EFCAB5: variants seen among roughly 807,000 people sequenced by gnomAD.
EFCAB5 encodes the protein EF-hand calcium binding domain 5, also known as EF-hand calcium-binding domain-containing protein 5.
Under a neutral mutation model 167.9 loss-of-function variants are expected in EFCAB5, and 131 were observed. The observed-to-expected ratio is 0.78, with a 90% CI of 0.68 to 0.90. EFCAB5 has a LOEUF of 0.90. Ranked by LOEUF, EFCAB5 falls within the 40% of genes least tolerant of loss-of-function variation. The pLI is 0.00. For synonymous variants in EFCAB5, 574 were observed against 602.8 expected (o/e 0.95, Z 0.70); for missense variants, 1,663 against 1,745.2 (o/e 0.95, Z 0.84).
In EFCAB5 at chr17:30,087,180, C is replaced by A. The variant is rs755182542; in HGVS notation, c.3683+14C>A. ...ATGCATCTTCAGGTTAGAGACATGT[C>A]TGTTTTGTTTGACTGCTAGAACACA... On this transcript the variant is annotated intron_variant, in intron 19 of 22. Coordinates refer to ENST00000394835, the MANE Select transcript of EFCAB5 (RefSeq NM_198529.4). The A allele has an allele frequency of 1.2e-6, 2 of 1,610,342 alleles. No homozygotes were observed. The highest frequency in any genetic ancestry group is 1.7e-6 in the Non-Finnish European group (2 of 1,176,802).
intron 3 of EFCAB5, among the ~76,000 whole-genome samples, chr17:29,960,805 T>A (rs1163944058): frequency 6.6e-6 from 1 of 152,154 alleles, no homozygotes. Context: ...GATTTCTGGG[T>A]CATATGTAGT....
rs762040797 is a variant in EFCAB5, at chr17:30,053,394, C to G, written c.1440C>G (p.Thr480=). The change falls in exon 10 of 23, where the codon ACC becomes ACG. Residue 480 remains threonine (T), a synonymous_variant. Transcript: ENST00000394835. ...TTTCTGCAAATCATGCTAGCAAAACCCAAAGTAAATTATTAGAAAGTCCAG... is the reference window on the plus strand; with the variant it reads ...TTTCTGCAAATCATGCTAGCAAAACGCAAAGTAAATTATTAGAAAGTCCAG... ...TLLSANHASK[T]QSKLLESPDQ... is the part of the protein sequence containing the mutation. The G allele has an allele frequency of 6.8e-6, 11 of 1,613,614 alleles. No individual in the cohort carries two copies. Among genetic ancestry groups the G allele is most frequent in the South Asian group, 6.6e-5 (6 of 91,066 alleles).
rs1327379745 is a variant in EFCAB5 at position 29,996,296 on chromosome 17, C to T, written c.925-16C>T. 3 of 1,541,930 alleles carry T rather than the reference C, an allele frequency of 1.9e-6. No homozygotes were observed. Among genetic ancestry groups the T allele is most frequent in the South Asian group, 2.4e-5 (2 of 82,164 alleles). On this transcript the variant is annotated splice_polypyrimidine_tract_variant and intron_variant, in intron 5 of 22. Transcript: ENST00000394835. ...GGCATATGGTTTCTTTCTTTTTTTCCTCTTTTGAGTTGCAGATTCAGAATG... is the reference window on the plus strand; with the variant it reads ...GGCATATGGTTTCTTTCTTTTTTTCTTCTTTTGAGTTGCAGATTCAGAATG...
chr17:29,934,517 T>C (rs1427106824), intron 1 of EFCAB5, among the ~76,000 whole-genome samples: 2 of 152,160 alleles, frequency 1.3e-5, no homozygotes, highest in Non-Finnish European at 2.9e-5. Context: ...GGAAGAATGC[T>C]ATATATATAA....
chr17:29,999,856 T>C (rs1244120744), intron 6 of EFCAB5, 50 bp from the exon 7 acceptor site: 1 of 1,325,598 alleles, frequency 7.5e-7, no homozygotes, highest in Non-Finnish European at 1.0e-6. Context: ...AAATATCAAA[T>C]ATATATTACA....
At chr17:29,957,288 C>T (rs760479715) in intron 3 of EFCAB5, among the ~76,000 whole-genome samples, 1 of 152,092 alleles carries the variant, frequency 6.6e-6, no homozygotes, top group Non-Finnish European at 1.5e-5. Context: ...CTTTGCATCC[C>T]TTGCATCCCT....
At chr17:29,996,970 G>A (rs1485163788) in intron 6 of EFCAB5, among the ~76,000 whole-genome samples, 1 of 152,168 alleles carries the variant, frequency 6.6e-6, no homozygotes, top group African/African-American at 2.4e-5. Flanking sequence ...CAGAGGCCGG[G>A]CACAGTGGCT....
At chr17:29,945,829 A>C (rs1392436547) in intron 3 of EFCAB5, among the ~76,000 whole-genome samples, 1 of 152,218 alleles carries the variant, frequency 6.6e-6, no homozygotes, top group Non-Finnish European at 1.5e-5. Context: ...CCTTATACAA[A>C]AATCAACTCA....
At chr17:30,071,538 T>C (rs1001820094) in intron 14 of EFCAB5, among the ~76,000 whole-genome samples, 1 of 152,048 alleles carries the variant, frequency 6.6e-6, no homozygotes, top group Non-Finnish European at 1.5e-5. Context: ...GAAACTCTTA[T>C]ACCTTGTTGG....
intron 20 of EFCAB5, 108 bp downstream of exon 20, chr17:30,090,782 A>G (rs548243626): frequency 7.0e-7 from 1 of 1,427,098 alleles, no homozygotes; most frequent in Admixed American, 2.2e-5. Flanking sequence ...GTTACAACAT[A>G]CACATCTTTT....
At chr17:30,021,850 A>T (rs148842170) in intron 7 of EFCAB5, among the ~76,000 whole-genome samples, 1 of 152,310 alleles carries the variant, frequency 6.6e-6, no homozygotes, top group African/African-American at 2.4e-5. Flanking sequence ...AGATAATGTA[A>T]TAATAAATGT....
chr17:29,968,886 A>G lies in EFCAB5; in HGVS notation c.286A>G (p.Lys96Glu). The G allele has an allele frequency of 6.4e-7, 1 of 1,567,092 alleles. No homozygotes were observed. The highest frequency in any genetic ancestry group is 8.7e-7 in the Non-Finnish European group (1 of 1,155,050). The change falls in exon 4 of 23, where the codon AAA becomes GAA. Residue 96 changes from lysine (K) to glutamate (E), a missense_variant. Physicochemically the swap from Lys to Glu is moderately conservative, Grantham distance 56. Transcript: ENST00000394835. Reference sequence around the variant, plus strand: ...TAATATTGCAATTAGAAAATCTGCAAAAGTGATTTTTGCTTTAGATGAAAC... The same window carrying G: ...TAATATTGCAATTAGAAAATCTGCAGAAGTGATTTTTGCTTTAGATGAAAC... ...SGNIAIRKSA[K>E]VIFALDETEL...
intron 6 of EFCAB5, among the ~76,000 whole-genome samples, chr17:29,997,953 T>A (rs1483367806): frequency 1.3e-5 from 2 of 151,654 alleles, no homozygotes; most frequent in African/African-American, 4.8e-5. Flanking sequence ...AAAAAAAACC[T>A]CACTTGTCCC....
intron 1 of EFCAB5, chr17:29,930,273 C>A: frequency 2.0e-6 from 1 of 494,208 alleles, no homozygotes; most frequent in Non-Finnish European, 3.6e-6. Context: ...TACCGCCTCT[C>A]CCCTCGGCGC....
intron 3 of EFCAB5, among the ~76,000 whole-genome samples, chr17:29,953,298 AT>A (rs2067549901): frequency 1.3e-5 from 2 of 152,228 alleles, no homozygotes; most frequent in South Asian, 4.1e-4. Context: ...CACAAAAAAA[AT>A]AAAATAAAAT....
intron 5 of EFCAB5, 133 bp downstream of exon 5, chr17:29,993,454 T>C: frequency 1.2e-6 from 1 of 822,112 alleles, no homozygotes; most frequent in Non-Finnish European, 1.7e-6. Flanking sequence ...TTGACCTGTC[T>C]GGTCCGTGAG....
intron 14 of EFCAB5, among the ~76,000 whole-genome samples, chr17:30,062,835 C>T (rs528777334): frequency 2.0e-5 from 3 of 152,248 alleles, no homozygotes; most frequent in Admixed American, 1.3e-4. Context: ...AGTACTCTGC[C>T]TCCTAGAAAA....
chr17:29,991,686 G>A (rs2068423401), intron 4 of EFCAB5, among the ~76,000 whole-genome samples: 2 of 152,162 alleles, frequency 1.3e-5, no homozygotes, highest in Non-Finnish European at 2.9e-5. Context: ...ATGTCACAGT[G>A]CTGCAGAGAT....
chr17:30,033,101 C>T (rs1011962357), intron 7 of EFCAB5, among the ~76,000 whole-genome samples: 3 of 149,562 alleles, frequency 2.0e-5, no homozygotes, highest in Non-Finnish European at 3.0e-5. Flanking sequence ...TTTTTTGAGA[C>T]GGAGTCTCGC....
Sources: gnomAD v4.1 joint callset for allele counts (sites outside exome capture counted in the v4.1 genomes callset) on GRCh38, gnomAD v4.1.1 for gene constraint, MANE v1.5 for transcripts, NCBI Gene and HGNC (gene_info 2026-07-23, HGNC 2026-07-21) for gene names.